SVIL: variants seen among roughly 807,000 people sequenced by gnomAD.
SVIL encodes the protein archvillin.
Under a neutral mutation model 240.4 loss-of-function variants are expected in SVIL, and 101 were observed. The ratio of observed to expected loss-of-function variants is 0.42; its 90% CI spans 0.36 to 0.50. The LOEUF (loss-of-function observed/expected upper bound fraction) is 0.50, where lower values mean the gene tolerates loss of function less well. Ranked by LOEUF, SVIL falls within the 20% of genes least tolerant of loss-of-function variation. SVIL has a pLI of 0.01. For missense variants in SVIL, 2,512 were observed against 2,818.7 expected, an observed-to-expected ratio of 0.89 and a Z score of 2.46; for synonymous variants, 999 against 1,100.0, an observed-to-expected ratio of 0.91 and a Z score of 1.82.
intron 26 of SVIL, among the ~76,000 whole-genome samples, chr10:29,485,226 G>C (rs3858231): frequency 0.56 from 83,547 of 150,236 alleles, 24,884 homozygotes; most frequent in African/African-American, 0.76. Context: ...TTCATATACC[G>C]CAGGCACTCA....
Position 29,650,953 on chromosome 10 carries a change from C to T in SVIL, c.-201+7016G>A, listed in dbSNP as rs577062834. Among the ~76,000 whole-genome samples, 16 of 152,284 alleles carry T rather than the reference C, an allele frequency of 1.1e-4. No individual in the cohort carries two copies. In the East Asian group the frequency reaches 2.9e-3, roughly 28 times the overall value. On this transcript the variant is annotated intron_variant, in intron 3 of 35. Coordinates refer to the SVIL transcript ENST00000375400. Reference sequence around the variant, plus strand: ...AAAACAAGAGCATGGAATGTCTTTTCTCTTTATTCTGATTTCAAACAGAGA... The same window carrying T: ...AAAACAAGAGCATGGAATGTCTTTTTTCTTTATTCTGATTTCAAACAGAGA...
intron 1 of SVIL, among the ~76,000 whole-genome samples, chr10:29,599,557 G>A (rs1392233004): frequency 6.6e-6 from 1 of 151,904 alleles, no homozygotes; most frequent in Non-Finnish European, 1.5e-5. Context: ...CTGGGACTAC[G>A]GGTATGTGCC....
Position 29,523,490 on chromosome 10 carries a change from C to T in SVIL, c.3124G>A (p.Glu1042Lys), listed in dbSNP as rs1950694947. The T allele has an allele frequency of 1.2e-6, 2 of 1,612,866 alleles. No homozygotes were observed. The highest frequency in any genetic ancestry group is 4.5e-5 in the East Asian group (2 of 44,866). Residue 1042 changes from glutamate (E) to lysine (K), a missense_variant, in exon 15 of 38, where the codon GAG (glutamate) becomes AAG (lysine). Coordinates refer to ENST00000355867, the MANE Select transcript of SVIL (RefSeq NM_021738.3). ...TTCCTTTTCATAACATTCTCCACCT[C>T]CACCTTCTCTTCAAAGGGCAGCCTG... ...RDRLPFEEKV[E>K]VENVMKRKFS...
intron 1 of SVIL, among the ~76,000 whole-genome samples, chr10:29,731,931 A>G (rs1385893585): frequency 1.3e-5 from 2 of 152,252 alleles, no homozygotes; most frequent in African/African-American, 4.8e-5. Flanking sequence ...ACAAGCTGCT[A>G]TGTGATCCAA....
chr10:29,526,708 C>T (rs775519676), intron 13 of SVIL, among the ~76,000 whole-genome samples: 1 of 152,220 alleles, frequency 6.6e-6, no homozygotes, highest in East Asian at 1.9e-4. Context: ...AACAAAGCAA[C>T]TGGATACGTG....
intron 3 of SVIL, among the ~76,000 whole-genome samples, chr10:29,640,478 G>A (rs567471635): frequency 3.1e-4 from 47 of 152,202 alleles, no homozygotes; most frequent in African/African-American, 9.9e-4. Flanking sequence ...AGTGAGCTCC[G>A]TCTGCCACAC....
At chr10:29,694,231 C>CAAAAA (rs61095076) in intron 1 of SVIL, among the ~76,000 whole-genome samples, 3 of 99,852 alleles carry the variant, frequency 3.0e-5, no homozygotes, top group African/African-American at 1.1e-4. Flanking sequence ...CTGTGTCTAC[C>CAAAAA]AAAAAAAAAA....
chr10:29,506,421 G>A (rs1949278342), intron 17 of SVIL, among the ~76,000 whole-genome samples: 2 of 152,018 alleles, frequency 1.3e-5, no homozygotes, highest in African/African-American at 4.8e-5. Flanking sequence ...GAAGAAGTGG[G>A]GAGTTTCCAT....
intron 3 of SVIL, among the ~76,000 whole-genome samples, chr10:29,649,400 C>T (rs2133005981): frequency 6.6e-6 from 1 of 152,250 alleles, no homozygotes; most frequent in Middle Eastern, 3.4e-3. Context: ...TACAATAAAA[C>T]ACAACCAAGC....
At chr10:29,591,536 T>C (rs1010120176) in intron 1 of SVIL, among the ~76,000 whole-genome samples, 7 of 152,248 alleles carry the variant, frequency 4.6e-5, no homozygotes, top group Non-Finnish European at 1.0e-4. Context: ...TCCTGTGCCA[T>C]AGTAAAAATT....
intron 1 of SVIL, among the ~76,000 whole-genome samples, chr10:29,614,847 C>T (rs149555211): frequency 1.8e-3 from 270 of 152,200 alleles, no homozygotes; most frequent in African/African-American, 6.0e-3. Context: ...ATGAAATCCA[C>T]GAATCATTTG....
Position 29,458,253 on chromosome 10 carries a change from C to T in SVIL, c.6639G>A (p.Leu2213=). Residue 2213 remains leucine, a synonymous_variant, in exon 38 of 38, where the codon CTG becomes CTA. Transcript: ENST00000355867. ...TCCTCTGGCGTCTCCCCACTCAGAA[C>T]AGGCCTTTTGCTTTCTTCAGGTTCA... ...KQVNLKKAKG[L]F 2 of 1,614,204 alleles carry T rather than the reference C, an allele frequency of 1.2e-6. No homozygotes were observed. The highest frequency in any genetic ancestry group is 8.5e-7 in the Non-Finnish European group (1 of 1,180,020).
At chr10:29,505,826 C>T (rs1156244574) in intron 17 of SVIL, among the ~76,000 whole-genome samples, 3 of 151,954 alleles carry the variant, frequency 2.0e-5, no homozygotes, top group Middle Eastern at 6.8e-3. Flanking sequence ...ACAACTGCTC[C>T]AAAAAAATAA....
At chr10:29,700,709 A>G (rs1273557840) in intron 1 of SVIL, among the ~76,000 whole-genome samples, 3 of 151,900 alleles carry the variant, frequency 2.0e-5, no homozygotes, top group African/African-American at 7.2e-5. Flanking sequence ...TCCTGACCTC[A>G]TGATCCGCCT....
At chr10:29,623,223 A>T (rs1388078731) in intron 1 of SVIL, among the ~76,000 whole-genome samples, 1 of 152,222 alleles carries the variant, frequency 6.6e-6, no homozygotes, top group Admixed American at 6.5e-5. Flanking sequence ...CTATCAGCAG[A>T]TGCAAAGTGC....
chr10:29,514,305 C>T (rs188232376), intron 16 of SVIL, among the ~76,000 whole-genome samples: 24 of 151,564 alleles, frequency 1.6e-4, no homozygotes, highest in African/African-American at 3.9e-4. Context: ...GGCACAATCA[C>T]GGTTCACTGC....
chr10:29,479,242 C>T (rs1428317237), intron 29 of SVIL, among the ~76,000 whole-genome samples: 2 of 152,160 alleles, frequency 1.3e-5, no homozygotes, highest in African/African-American at 4.8e-5. Flanking sequence ...TCTCTGCCCG[C>T]AGAGCGGTTT....
intron 6 of SVIL, among the ~76,000 whole-genome samples, chr10:29,549,178 AC>A (rs756504241): frequency 2.1e-5 from 1 of 47,714 alleles, no homozygotes. Context: ...AAAAAAAAAA[AC>A]AAACAAACAA....
chr10:29,659,339 C>T (rs1456364478), intron 2 of SVIL, among the ~76,000 whole-genome samples: 1 of 152,154 alleles, frequency 6.6e-6, no homozygotes, highest in Non-Finnish European at 1.5e-5. Context: ...CTATTGAGTT[C>T]CATCTTCTCA....
Sources: gnomAD v4.1 joint callset for allele counts (sites outside exome capture counted in the v4.1 genomes callset) on GRCh38, gnomAD v4.1.1 for gene constraint, MANE v1.5 for transcripts, NCBI Gene and HGNC (gene_info 2026-07-23, HGNC 2026-07-21) for gene names.